Variants in KBTBD2 observed in about 807,000 individuals in gnomAD.
The protein encoded by KBTBD2 is kelch repeat and BTB domain-containing protein 2.
In KBTBD2, 17 loss-of-function variants were observed where a neutral mutation model predicts 57.1. The ratio of observed to expected loss-of-function variants is 0.30; its 90% CI spans 0.20 to 0.45. The LOEUF is 0.45. KBTBD2 is among the 20% of genes least tolerant of loss of function. The pLI, the probability that KBTBD2 is intolerant of heterozygous loss-of-function variation, is 1.00. For missense variants in KBTBD2, 515 were observed against 750.6 expected (o/e 0.69, Z 3.67); for synonymous variants, 267 against 262.7 (o/e 1.02, Z -0.16).
At chr7:32,887,614 C>T (rs1323282207) in intron 1 of KBTBD2, among the ~76,000 whole-genome samples, 1 of 152,226 alleles carries the variant, frequency 6.6e-6, no homozygotes, top group Non-Finnish European at 1.5e-5. Context: ...GTAGGAAGCA[C>T]ATTCAAATTG....
In KBTBD2 at chr7:32,870,653, T is replaced by A. The variant is rs1304540483; in HGVS notation, c.564A>T (p.Val188=). The A allele has an allele frequency of 6.2e-7, 1 of 1,614,160 alleles. No individual in the cohort carries two copies. Among genetic ancestry groups the A allele is most frequent in the Non-Finnish European group, 8.5e-7 (1 of 1,180,006 alleles). ...IDILSSDNLN[V]EKEETVREAA... ...CTTCTCGAACGGTTTCTTCCTTTTC[T>A]ACATTTAAATTGTCACTACTGAGAA... The change falls in exon 4 of 4, where the codon GTA becomes GTT. Residue 188 remains valine, a synonymous_variant. Transcript: ENST00000304056.
chr7:32,880,034 TTA>T (rs1784409266), intron 1 of KBTBD2, 92 bp from the exon 2 acceptor site: 1 of 152,830 alleles, frequency 6.5e-6, no homozygotes, highest in African/African-American at 2.4e-5. Context: ...GAAATCATAT[TTA>T]TTTCAAGTTC....
At chr7:32,875,623 T>TA (rs1385814698) in intron 2 of KBTBD2, among the ~76,000 whole-genome samples, 1 of 152,160 alleles carries the variant, frequency 6.6e-6, no homozygotes, top group Non-Finnish European at 1.5e-5. Context: ...CCCAAATATA[T>TA]ACCAGACTAT....
chr7:32,888,036 C>T (rs1784623710), intron 1 of KBTBD2, among the ~76,000 whole-genome samples: 1 of 152,174 alleles, frequency 6.6e-6, no homozygotes, highest in Admixed American at 6.5e-5. Context: ...TTCACCAGGT[C>T]CGAAGATTCC....
At chr7:32,879,056 T>TA (rs35975438) in intron 2 of KBTBD2, among the ~76,000 whole-genome samples, 1 of 152,324 alleles carries the variant, frequency 6.6e-6, no homozygotes, top group South Asian at 2.1e-4. Context: ...TTTTACCCTC[T>TA]AAAAATTACT....
chr7:32,874,825 T>TA, intron 3 of KBTBD2, 167 bp downstream of exon 3: 1 of 510,782 alleles, frequency 2.0e-6, no homozygotes, highest in Non-Finnish European at 3.4e-6. Context: ...AACCCCGTAC[T>TA]AAAAATACAA....
upstream of KBTBD2, chr7:32,891,906 C>G (rs1305257631): frequency 7.0e-6 from 1 of 142,378 alleles, no homozygotes; most frequent in Non-Finnish European, 1.6e-5. Flanking sequence ...GCCCCCGCCC[C>G]CGCCGCGCGC....
rs561596131 is a variant in KBTBD2, at chr7:32,877,914, G to C, written c.170+1521C>G. ...ACTTGAGATCAGGAGTTTGAGACCA[G>C]CGTGGGCAACATGGTGAAACCCCGT... is the stretch of plus-strand genomic sequence containing the variant. On this transcript the variant is annotated intron_variant, in intron 2 of 3. Transcript: ENST00000304056. 8.6e-4 allele frequency among the ~76,000 whole-genome samples: 130 copies of C among 151,774 alleles called. 1 individual carries two copies. Among genetic ancestry groups the C allele is most frequent in the Middle Eastern group, 6.8e-3 (2 of 294 alleles).
At chr7:32,881,611 G>A (rs1305556462) in intron 1 of KBTBD2, among the ~76,000 whole-genome samples, 7 of 152,136 alleles carry the variant, frequency 4.6e-5, no homozygotes, top group African/African-American at 1.7e-4. Context: ...AACTAAAACA[G>A]GTGCAAAGGC....
At chr7:32,889,099 G>A (rs768925412) in intron 1 of KBTBD2, among the ~76,000 whole-genome samples, 27 of 152,050 alleles carry the variant, frequency 1.8e-4, no homozygotes, top group Non-Finnish European at 2.9e-4. Context: ...AGATCACCAG[G>A]TCAGGAGATC....
upstream of KBTBD2, chr7:32,892,000 C>A (rs1784771083): frequency 9.3e-6 from 1 of 107,224 alleles, no homozygotes; most frequent in African/African-American, 5.5e-5. Context: ...ACGCCGCCCT[C>A]CCGCCTCGCG....
At chr7:32,889,001 C>T (rs537216953) in intron 1 of KBTBD2, among the ~76,000 whole-genome samples, 22 of 152,236 alleles carry the variant, frequency 1.4e-4, no homozygotes, top group Middle Eastern at 6.8e-3. Context: ...CTCACCTCTG[C>T]GCAGTGACTT....
chr7:32,877,512 CA>C (rs1466582648), intron 2 of KBTBD2, among the ~76,000 whole-genome samples: 7 of 152,060 alleles, frequency 4.6e-5, no homozygotes, highest in African/African-American at 1.7e-4. Flanking sequence ...ACTCAAACTA[CA>C]AAGGAAGAAT....
At chr7:32,880,423 G>A (rs1406871708) in intron 1 of KBTBD2, among the ~76,000 whole-genome samples, 4 of 151,534 alleles carry the variant, frequency 2.6e-5, no homozygotes, top group Non-Finnish European at 5.9e-5. Context: ...TAAACTATAC[G>A]GTAAATAGAT....
chr7:32,882,895 G>C (rs1482062266), intron 1 of KBTBD2, among the ~76,000 whole-genome samples: 1 of 152,136 alleles, frequency 6.6e-6, no homozygotes, highest in African/African-American at 2.4e-5. Context: ...TGAGGCCAGG[G>C]AATCACCTGA....
chr7:32,879,808 T>C lies in KBTBD2; in HGVS notation c.-204A>G, dbSNP rs1300913397. 1 of 478,330 alleles carries C rather than the reference T, an allele frequency of 2.1e-6. No individual in the cohort carries two copies. The highest frequency in any genetic ancestry group is 3.7e-5 in the East Asian group (1 of 26,836). The allele number at this position is 478,330 out of a possible 1,614,324, so 29.6% of individuals were successfully genotyped here. On this transcript the variant is annotated 5_prime_UTR_variant, in exon 2 of 4. Coordinates refer to ENST00000304056, the MANE Select transcript of KBTBD2 (RefSeq NM_015483.3). ...CCTAGGTCATCCTGTGTTAATTAGGTTCTTCAGAGTTTTTCAACACAGTCT... is the reference window on the plus strand; with the variant it reads ...CCTAGGTCATCCTGTGTTAATTAGGCTCTTCAGAGTTTTTCAACACAGTCT...
intron 3 of KBTBD2, among the ~76,000 whole-genome samples, chr7:32,872,967 T>C (rs975717154): frequency 7.9e-5 from 12 of 152,166 alleles, no homozygotes; most frequent in African/African-American, 2.7e-4. Context: ...TGAGTTCTGG[T>C]TTCCAGAATT....
chr7:32,881,498 T>A (rs944058885), intron 1 of KBTBD2, among the ~76,000 whole-genome samples: 1 of 151,876 alleles, frequency 6.6e-6, no homozygotes, highest in Non-Finnish European at 1.5e-5. Flanking sequence ...ATACCATCCA[T>A]TATGTCAAAG....
chr7:32,880,395 A>C (rs1784417392), intron 1 of KBTBD2, among the ~76,000 whole-genome samples: 1 of 152,300 alleles, frequency 6.6e-6, no homozygotes, highest in Non-Finnish European at 1.5e-5. Flanking sequence ...CACGTTCACA[A>C]AGTCTTCATA....
Sources: gnomAD v4.1 joint callset for allele counts (sites outside exome capture counted in the v4.1 genomes callset) on GRCh38, gnomAD v4.1.1 for gene constraint, MANE v1.5 for transcripts, NCBI Gene and HGNC (gene_info 2026-07-23, HGNC 2026-07-21) for gene names.